LPAR1: variants seen among roughly 807,000 people sequenced by gnomAD.
LPAR1 encodes the protein lysophosphatidic acid receptor 1.
LPAR1 carries 5 observed loss-of-function variants against 23.8 expected under a neutral mutation model. The observed-to-expected ratio is 0.21, with a 90% confidence interval of 0.11 to 0.44. The LOEUF (loss-of-function observed/expected upper bound fraction) is 0.44. Ranked by LOEUF, LPAR1 falls within the 20% of genes least tolerant of loss-of-function variation. The pLI, the probability that LPAR1 is intolerant of heterozygous loss-of-function variation, is 0.99. For synonymous variants in LPAR1, 160 were observed against 164.7 expected (o/e 0.97, Z 0.22); for missense variants, 311 against 482.8 (o/e 0.64, Z 3.33).
At chr9:110,964,456 T>G (rs1020146219) in intron 4 of LPAR1, among the ~76,000 whole-genome samples, 1 of 152,210 alleles carries the variant, frequency 6.6e-6, no homozygotes, top group Non-Finnish European at 1.5e-5. Context: ...TTTTTAGATA[T>G]GCATATTAAC....
intron 2 of LPAR1, among the ~76,000 whole-genome samples, chr9:110,988,412 A>G (rs1416812832): frequency 6.6e-6 from 1 of 152,134 alleles, no homozygotes; most frequent in Non-Finnish European, 1.5e-5. Flanking sequence ...ATATTTGCAA[A>G]TCATAAGGGA....
At chr9:110,880,459 C>T (rs941759577) in intron 5 of LPAR1, among the ~76,000 whole-genome samples, 1 of 152,156 alleles carries the variant, frequency 6.6e-6, no homozygotes, top group African/African-American at 2.4e-5. Flanking sequence ...TTGAACTTTG[C>T]TTACATATGG....
At chr9:110,880,177 TC>T (rs1403401942) in intron 5 of LPAR1, among the ~76,000 whole-genome samples, 3 of 152,166 alleles carry the variant, frequency 2.0e-5, no homozygotes, top group Non-Finnish European at 4.4e-5. Context: ...GGGTTGTTCT[TC>T]CTTGAACAAG....
intron 2 of LPAR1, among the ~76,000 whole-genome samples, chr9:110,989,540 G>A (rs963144246): frequency 2.6e-5 from 4 of 152,086 alleles, no homozygotes; most frequent in Non-Finnish European, 4.4e-5. Flanking sequence ...AAAGGGGTAC[G>A]ATGTCACTTA....
At chr9:111,014,166 C>T (rs899481162) in intron 2 of LPAR1, among the ~76,000 whole-genome samples, 2 of 152,126 alleles carry the variant, frequency 1.3e-5, no homozygotes, top group African/African-American at 4.8e-5. Context: ...CCAATCTGCC[C>T]TTTGACACCA....
chr9:110,886,675 A>G (rs1470089975), intron 5 of LPAR1, among the ~76,000 whole-genome samples: 1 of 152,216 alleles, frequency 6.6e-6, no homozygotes, highest in Non-Finnish European at 1.5e-5. Flanking sequence ...GACCCAATCA[A>G]AAACAATGGT....
chr9:111,009,310 A>G (rs192570277), intron 2 of LPAR1, among the ~76,000 whole-genome samples: 3 of 152,270 alleles, frequency 2.0e-5, no homozygotes, highest in East Asian at 3.9e-4. Flanking sequence ...ATCACTACAA[A>G]CGAATTACAC....
intron 5 of LPAR1, among the ~76,000 whole-genome samples, chr9:110,923,438 G>A (rs936211864): frequency 1.3e-5 from 2 of 152,122 alleles, no homozygotes; most frequent in African/African-American, 4.8e-5. Context: ...ATAAATCGAT[G>A]AGATATTCAA....
chr9:110,969,202 T>A (rs1588605145), intron 4 of LPAR1, among the ~76,000 whole-genome samples: 1 of 152,288 alleles, frequency 6.6e-6, no homozygotes, highest in African/African-American at 2.4e-5. Flanking sequence ...ATTTTTGTCC[T>A]CTTGGGGCAA....
intron 5 of LPAR1, among the ~76,000 whole-genome samples, chr9:110,919,985 G>A (rs916366521): frequency 2.0e-5 from 3 of 152,152 alleles, no homozygotes; most frequent in South Asian, 2.1e-4. Flanking sequence ...ATCACCAAAT[G>A]AGCACAGAAT....
Position 110,972,075 on chromosome 9 carries a change from G to A in LPAR1, c.43C>T (p.Gln15Ter), listed in dbSNP as rs767572514. The A allele has an allele frequency of 6.2e-7, 1 of 1,613,714 alleles. No individual in the cohort carries two copies. ...STSIPVISQP[Q>*]FTAMNEPQCF... Reference sequence around the variant, plus strand: ...CTCTGCTAGTTTGAAGCCCTTACCTGGGGCTGTGAAATTACAGGGATGGAA... The same window carrying A: ...CTCTGCTAGTTTGAAGCCCTTACCTAGGGCTGTGAAATTACAGGGATGGAA... The change falls in exon 4 of 6, where the codon CAG becomes TAG. Residue 15 changes from glutamine (Q) to a stop codon, truncating the protein, a stop_gained and splice_region_variant. Coordinates refer to ENST00000683809, the MANE Select transcript of LPAR1 (RefSeq NM_001351411.2). LOFTEE classifies it high-confidence loss of function.
intron 2 of LPAR1, among the ~76,000 whole-genome samples, chr9:110,974,673 C>T (rs572821634): frequency 1.6e-4 from 25 of 152,264 alleles, no homozygotes; most frequent in African/African-American, 5.8e-4. Context: ...ACATTCAACA[C>T]CGAATTCCAC....
At chr9:110,913,974 T>A (rs975946542) in intron 5 of LPAR1, among the ~76,000 whole-genome samples, 1 of 152,206 alleles carries the variant, frequency 6.6e-6, no homozygotes, top group Non-Finnish European at 1.5e-5. Flanking sequence ...TTGACAAGCA[T>A]CACTGACTTA....
intron 4 of LPAR1, among the ~76,000 whole-genome samples, chr9:110,967,857 G>C (rs2096273886): frequency 6.6e-6 from 1 of 152,138 alleles, no homozygotes; most frequent in Non-Finnish European, 1.5e-5. Context: ...TTGGCCAAAG[G>C]ATCCTGGGAA....
chr9:110,986,710 C>A (rs1025454280), intron 2 of LPAR1, among the ~76,000 whole-genome samples: 3 of 151,258 alleles, frequency 2.0e-5, no homozygotes, highest in Admixed American at 6.6e-5. Context: ...AATAGCTAGT[C>A]AGAATATAGA....
rs115489957 is a variant in LPAR1, at chr9:111,011,520, C to A, written c.-182+24602G>T. 8.5e-5 allele frequency among the ~76,000 whole-genome samples: 13 copies of A among 152,286 alleles called. 1 individual carries two copies. Among genetic ancestry groups the A allele is most frequent in the African/African-American group, 2.9e-4 (12 of 41,558 alleles). ...CTACTCTTTTGTAACCAAACTGAATCCCGTTCTTTAAACACTTCAAATCTT... is the reference window on the plus strand; with the variant it reads ...CTACTCTTTTGTAACCAAACTGAATACCGTTCTTTAAACACTTCAAATCTT... On this transcript the variant is annotated intron_variant, in intron 2 of 5. Coordinates refer to ENST00000683809, the MANE Select transcript of LPAR1 (RefSeq NM_001351411.2).
chr9:110,955,771 C>T (rs1246845953), intron 4 of LPAR1, among the ~76,000 whole-genome samples: 2 of 146,038 alleles, frequency 1.4e-5, no homozygotes, highest in East Asian at 4.0e-4. Flanking sequence ...TATACAAATA[C>T]ATGGAATTAA....
intron 2 of LPAR1, among the ~76,000 whole-genome samples, chr9:110,984,610 A>C (rs1214494584): frequency 6.6e-6 from 1 of 152,040 alleles, no homozygotes; most frequent in Non-Finnish European, 1.5e-5. Flanking sequence ...AGATTGCTGG[A>C]TCATATGGTA....
intron 5 of LPAR1, among the ~76,000 whole-genome samples, chr9:110,890,748 G>A (rs1204991361): frequency 6.6e-6 from 1 of 152,190 alleles, no homozygotes; most frequent in Non-Finnish European, 1.5e-5. Context: ...TTAGCAGAAT[G>A]CTATGATCCA....
Sources: allele counts gnomAD v4.1 joint callset (sites outside exome capture counted in the v4.1 genomes callset), GRCh38; gene constraint gnomAD v4.1.1; transcripts MANE v1.5; gene names NCBI Gene and HGNC (gene_info 2026-07-23, HGNC 2026-07-21).